Variants in IFNG-AS1 observed in about 807,000 individuals in gnomAD.
The protein encoded by IFNG-AS1 is IFNG regulatory antisense RNA 1.
Position 67,991,228 on chromosome 12 carries a change from T to TA in IFNG-AS1, n.51+1652dup, listed in dbSNP as rs1429615064. ...TGTTCTGTAAAACTGCTCCTAGCTT[T>TA]AAAGTGTATTGATTATTAGGTTTTA... On this transcript the variant is annotated intron_variant and non_coding_transcript_variant, in intron 1 of 5. Coordinates refer to ENST00000536914, the Ensembl canonical transcript of IFNG-AS1. 2.0e-5 allele frequency among the ~76,000 whole-genome samples: 3 copies of TA among 152,232 alleles called. No homozygotes were observed. In the East Asian group the frequency reaches 5.8e-4, roughly 29 times the overall value.
intron 3 of IFNG-AS1, among the ~76,000 whole-genome samples, chr12:68,007,109 G>GT (rs1565690129): frequency 6.6e-6 from 1 of 152,188 alleles, no homozygotes; most frequent in East Asian, 1.9e-4. Flanking sequence ...GACTACATGG[G>GT]TTCATGTCCC....
intron 3 of IFNG-AS1, among the ~76,000 whole-genome samples, chr12:68,014,166 C>T (rs541180354): frequency 1.3e-5 from 2 of 152,304 alleles, no homozygotes; most frequent in South Asian, 2.1e-4. Flanking sequence ...ATGTATACCA[C>T]AGTTTCTTTA....
At chr12:68,007,294 A>G (rs1438104343) in intron 3 of IFNG-AS1, among the ~76,000 whole-genome samples, 1 of 152,222 alleles carries the variant, frequency 6.6e-6, no homozygotes, top group Non-Finnish European at 1.5e-5. Flanking sequence ...CACAGTAAGC[A>G]CTCTATGAAT....
intron 1 of IFNG-AS1, among the ~76,000 whole-genome samples, chr12:67,995,289 C>T (rs971587918): frequency 7.3e-5 from 11 of 151,318 alleles, no homozygotes; most frequent in African/African-American, 1.7e-4. Context: ...GGCATGGTGG[C>T]GCGTGCCTAT....
intron 2 of IFNG-AS1, among the ~76,000 whole-genome samples, chr12:68,002,260 G>A (rs1249030178): frequency 6.6e-6 from 1 of 152,204 alleles, no homozygotes; most frequent in South Asian, 2.1e-4. Context: ...GGTCATGGGG[G>A]GAGTGGCGAG....
intron 3 of IFNG-AS1, among the ~76,000 whole-genome samples, chr12:68,010,127 A>G (rs1345932596): frequency 6.6e-6 from 1 of 152,190 alleles, no homozygotes; most frequent in Non-Finnish European, 1.5e-5. Context: ...TTATGGTGCT[A>G]ATCATTTGAA....
intron 3 of IFNG-AS1, among the ~76,000 whole-genome samples, chr12:68,019,275 T>A (rs1880229521): frequency 6.6e-6 from 1 of 152,290 alleles, no homozygotes; most frequent in Non-Finnish European, 1.5e-5. Flanking sequence ...CACTTACATG[T>A]GCTTACTACA....
At chr12:67,993,681 G>T (rs1457613155) in intron 1 of IFNG-AS1, among the ~76,000 whole-genome samples, 2 of 152,106 alleles carry the variant, frequency 1.3e-5, no homozygotes, top group African/African-American at 4.8e-5. Context: ...GACCTAAAAT[G>T]ATTAGAACAA....
chr12:67,991,760 A>C (rs1462042274), intron 1 of IFNG-AS1, among the ~76,000 whole-genome samples: 1 of 152,206 alleles, frequency 6.6e-6, no homozygotes, highest in African/African-American at 2.4e-5. Context: ...AATAGCTGGA[A>C]GTCTCTTAAA....
At chr12:68,011,512 T>A (rs1360057859) in intron 3 of IFNG-AS1, among the ~76,000 whole-genome samples, 1 of 152,198 alleles carries the variant, frequency 6.6e-6, no homozygotes, top group African/African-American at 2.4e-5. Flanking sequence ...TCAAAGAGCA[T>A]GAATAGAAAG....
At chr12:68,005,263 T>C (rs990757841) in intron 2 of IFNG-AS1, among the ~76,000 whole-genome samples, 4 of 152,198 alleles carry the variant, frequency 2.6e-5, no homozygotes, top group Admixed American at 1.3e-4. Context: ...CTGCAGGAAG[T>C]AGAATTTCTC....
At chr12:68,015,454 C>T (rs928590029) in intron 3 of IFNG-AS1, among the ~76,000 whole-genome samples, 1 of 152,140 alleles carries the variant, frequency 6.6e-6, no homozygotes, top group Admixed American at 6.5e-5. Context: ...CAAGCAATCC[C>T]ACCCCTCTGG....
intron 3 of IFNG-AS1, among the ~76,000 whole-genome samples, chr12:68,019,185 G>C (rs959916121): frequency 2.6e-5 from 4 of 152,018 alleles, no homozygotes; most frequent in Non-Finnish European, 5.9e-5. Context: ...AAGCAGATCT[G>C]GGTCTAAATC....
intron 3 of IFNG-AS1, among the ~76,000 whole-genome samples, chr12:68,008,661 G>C (rs556700265): frequency 1.3e-4 from 20 of 152,298 alleles, no homozygotes; most frequent in Non-Finnish European, 1.8e-4. Flanking sequence ...CAGTGACCCA[G>C]ACTATTTCCA....
intron 1 of IFNG-AS1, among the ~76,000 whole-genome samples, chr12:67,994,947 A>T (rs1386036001): frequency 3.3e-5 from 5 of 152,192 alleles, no homozygotes; most frequent in Non-Finnish European, 7.3e-5. Context: ...TGAAACTAAT[A>T]TGTTTCATAA....
At chr12:68,019,957 A>G (rs549132134) in intron 4 of IFNG-AS1, 6 of 152,334 alleles carry the variant, frequency 3.9e-5, no homozygotes, top group African/African-American at 1.4e-4. Context: ...TGGAGGGGCC[A>G]GTTGGGAAAG....
intron 3 of IFNG-AS1, among the ~76,000 whole-genome samples, chr12:68,016,240 G>A (rs1300113150): frequency 1.3e-5 from 2 of 152,092 alleles, no homozygotes; most frequent in African/African-American, 4.8e-5. Flanking sequence ...TGCATACCGT[G>A]GAGTCATGCT....
At chr12:68,018,262 T>C (rs1880202236) in intron 3 of IFNG-AS1, among the ~76,000 whole-genome samples, 1 of 152,120 alleles carries the variant, frequency 6.6e-6, no homozygotes, top group African/African-American at 2.4e-5. Flanking sequence ...TTGCTGATCT[T>C]GTCTTATACA....
At chr12:67,995,223 C>T (rs1450831381) in intron 1 of IFNG-AS1, among the ~76,000 whole-genome samples, 1 of 151,836 alleles carries the variant, frequency 6.6e-6, no homozygotes, top group Non-Finnish European at 1.5e-5. Context: ...GAGATCGAGA[C>T]CATCCTGGCC....
Sources: allele counts gnomAD v4.1 joint callset (sites outside exome capture counted in the v4.1 genomes callset), GRCh38; gene constraint gnomAD v4.1.1; transcripts MANE v1.5; gene names NCBI Gene and HGNC (gene_info 2026-07-23, HGNC 2026-07-21).